The following THADA variants were observed in gnomAD, a reference collection of about 807,000 sequenced individuals.
The protein encoded by THADA is tRNA (32-2'-O)-methyltransferase regulator THADA.
In THADA, 213 loss-of-function variants were observed where a neutral mutation model predicts 219.8. The ratio of observed to expected loss-of-function variants is 0.97; its 90% CI spans 0.87 to 1.09. The LOEUF is 1.09. THADA is among the 50% of genes least tolerant of loss of function. THADA has a pLI of 0.00. For synonymous variants in THADA, 1,018 were observed against 828.9 expected (o/e 1.23, Z -3.92); for missense variants, 2,956 against 2,311.3 (o/e 1.28, Z -5.72).
intron 31 of THADA, among the ~76,000 whole-genome samples, chr2:43,316,851 C>T (rs1312941733): frequency 3.9e-5 from 6 of 152,126 alleles, no homozygotes; most frequent in African/African-American, 1.2e-4. Context: ...TGCTTGAACC[C>T]GGGACACGGA....
chr2:43,595,069 C>G (rs1387943942), intron 1 of THADA, among the ~76,000 whole-genome samples: 2 of 152,228 alleles, frequency 1.3e-5, no homozygotes, highest in African/African-American at 4.8e-5. Context: ...CAGTGCCTGG[C>G]ACATAGTAGG....
At chr2:43,308,957 A>C (rs1677192321) in intron 31 of THADA, among the ~76,000 whole-genome samples, 1 of 152,090 alleles carries the variant, frequency 6.6e-6, no homozygotes, top group Non-Finnish European at 1.5e-5. Flanking sequence ...AAAACACACA[A>C]AAAAATGGAT....
chr2:43,503,181 T>C (rs1309783845), intron 24 of THADA, among the ~76,000 whole-genome samples: 1 of 152,210 alleles, frequency 6.6e-6, no homozygotes, highest in Admixed American at 6.5e-5. Flanking sequence ...AATATGTGTG[T>C]ACCCTACAAC....
At chr2:43,284,227 T>C (rs190240227) in intron 35 of THADA, among the ~76,000 whole-genome samples, 5 of 151,826 alleles carry the variant, frequency 3.3e-5, no homozygotes, top group African/African-American at 7.2e-5. Flanking sequence ...ATGGGGAAAA[T>C]GTCTCCAGGG....
chr2:43,260,788 A>G (rs2104202459), intron 36 of THADA, among the ~76,000 whole-genome samples: 1 of 152,346 alleles, frequency 6.6e-6, no homozygotes, highest in South Asian at 2.1e-4. Flanking sequence ...TTTTGGTAAC[A>G]TGAAATATGA....
intron 36 of THADA, among the ~76,000 whole-genome samples, chr2:43,251,323 C>G (rs1363000998): frequency 1.3e-5 from 2 of 152,258 alleles, no homozygotes; most frequent in Non-Finnish European, 2.9e-5. Flanking sequence ...TATAGTTGTG[C>G]TTTTTCATGA....
intron 34 of THADA, among the ~76,000 whole-genome samples, chr2:43,288,011 G>T (rs767135238): frequency 5.9e-5 from 9 of 152,222 alleles, no homozygotes; most frequent in Admixed American, 1.3e-4. Flanking sequence ...GTTTAGGACA[G>T]CAGAACAACA....
chr2:43,502,138 C>G (rs1174616296), intron 24 of THADA, among the ~76,000 whole-genome samples: 1 of 152,062 alleles, frequency 6.6e-6, no homozygotes, highest in Non-Finnish European at 1.5e-5. Context: ...TTATTTTACA[C>G]TAAACAAAGA....
At chr2:43,274,714 T>C (rs936300870) in intron 36 of THADA, among the ~76,000 whole-genome samples, 7 of 152,042 alleles carry the variant, frequency 4.6e-5, no homozygotes, top group African/African-American at 1.7e-4. Flanking sequence ...TGACTTTTTG[T>C]GGGCAAGGGG....
At position 43,549,355 on chromosome 2, in the gene THADA, G is replaced by A. The variant is rs377669757; in HGVS notation, c.2961C>T (p.Arg987=). Reference sequence around the variant, plus strand: ...GAATCTCATTCAGAATCATCTGTAAGCGGCTTGCTGACTCTGAGGGAAAGA... The same window carrying A: ...GAATCTCATTCAGAATCATCTGTAAACGGCTTGCTGACTCTGAGGGAAAGA... ...PMDTDSESAS[R]LQMILNEIQP... The change falls in exon 20 of 38, where the codon CGC becomes CGT. Residue 987 remains arginine (R), a synonymous_variant. Coordinates refer to ENST00000405975, the MANE Select transcript of THADA (RefSeq NM_022065.5). 9.8e-5 allele frequency: 157 copies of A among 1,602,154 alleles called. No individual in the cohort carries two copies. Among genetic ancestry groups the A allele is most frequent in the South Asian group, 1.9e-4 (17 of 88,412 alleles).
chr2:43,340,465 T>C (rs937456919), intron 30 of THADA, among the ~76,000 whole-genome samples: 1 of 152,238 alleles, frequency 6.6e-6, no homozygotes, highest in African/African-American at 2.4e-5. Flanking sequence ...GGTTATCCAA[T>C]AGTGCCAATC....
chr2:43,508,554 G>T, intron 23 of THADA, 94 bp downstream of exon 23: 3 of 1,241,236 alleles, frequency 2.4e-6, no homozygotes, highest in African/African-American at 3.0e-5. Context: ...TGTCCTTTAT[G>T]TGTAATACGC....
At chr2:43,540,676 A>T (rs1295343224) in intron 21 of THADA, among the ~76,000 whole-genome samples, 1 of 152,232 alleles carries the variant, frequency 6.6e-6, no homozygotes, top group Non-Finnish European at 1.5e-5. Flanking sequence ...TCACTTGAAC[A>T]GTCCCAGATG....
At chr2:43,305,212 CAACAAT>C (rs141990214) in intron 31 of THADA, among the ~76,000 whole-genome samples, 6,178 of 152,210 alleles carry the variant, frequency 0.041, 184 homozygotes, top group South Asian at 0.17. Flanking sequence ...GGAACAACAA[CAACAAT>C]AACAACAGAA....
chr2:43,578,389 C>G (rs1287419003), intron 9 of THADA, 124 bp downstream of exon 9: 3 of 587,036 alleles, frequency 5.1e-6, no homozygotes, highest in Non-Finnish European at 8.9e-6. Context: ...TCAAGTGACC[C>G]TCCTGCCCTG....
intron 26 of THADA, among the ~76,000 whole-genome samples, chr2:43,440,822 C>T (rs1429245338): frequency 6.6e-6 from 1 of 152,186 alleles, no homozygotes; most frequent in East Asian, 1.9e-4. Flanking sequence ...AGATAACTGG[C>T]TCTGCTGACC....
intron 20 of THADA, among the ~76,000 whole-genome samples, chr2:43,543,717 GGTT>G (rs1160751021): frequency 2.0e-5 from 3 of 152,180 alleles, no homozygotes; most frequent in African/African-American, 4.8e-5. Context: ...TTTTTGATGG[GGTT>G]GTTTTTTTCT....
At chr2:43,581,281 G>T (rs1000991059) in intron 8 of THADA, among the ~76,000 whole-genome samples, 1 of 152,050 alleles carries the variant, frequency 6.6e-6, no homozygotes, top group African/African-American at 2.4e-5. Flanking sequence ...TGTAATCCCA[G>T]CACCTTGGGA....
intron 30 of THADA, among the ~76,000 whole-genome samples, chr2:43,332,803 G>C (rs1008283026): frequency 6.6e-6 from 1 of 152,168 alleles, no homozygotes; most frequent in African/African-American, 2.4e-5. Flanking sequence ...GCCCTCTATT[G>C]AACTAACTGC....
Sources: allele counts gnomAD v4.1 joint callset (sites outside exome capture counted in the v4.1 genomes callset), GRCh38; gene constraint gnomAD v4.1.1; transcripts MANE v1.5; gene names NCBI Gene and HGNC (gene_info 2026-07-23, HGNC 2026-07-21).